ETFA: variants seen among roughly 807,000 people sequenced by gnomAD.
ETFA encodes the protein electron transfer flavoprotein subunit alpha, mitochondrial.
Under a neutral mutation model 46.2 loss-of-function variants are expected in ETFA, and 22 were observed. The observed-to-expected ratio is 0.48, with a 90% CI of 0.34 to 0.68. ETFA has a LOEUF of 0.68. Among genes scored for constraint, ETFA ranks in the 30% least tolerant of loss-of-function variants. The pLI is 0.01. For synonymous variants in ETFA, 131 were observed against 139.9 expected, an observed-to-expected ratio of 0.94 and a Z score of 0.45; for missense variants, 345 against 401.1, an observed-to-expected ratio of 0.86 and a Z score of 1.19.
chr15:76,219,071 A>G (rs1358816904), intron 11 of ETFA, among the ~76,000 whole-genome samples: 1 of 152,208 alleles, frequency 6.6e-6, no homozygotes, highest in Non-Finnish European at 1.5e-5. Context: ...TAAAGAAGAA[A>G]AGGATTCTAG....
chr15:76,295,532 C>G, intron 2 of ETFA, 59 bp downstream of exon 2: 1 of 1,457,136 alleles, frequency 6.9e-7, no homozygotes, highest in South Asian at 1.1e-5. Flanking sequence ...CTGTTGCCAT[C>G]TTTTCCTGTC....
intron 8 of ETFA, among the ~76,000 whole-genome samples, chr15:76,279,393 C>G (rs1292745136): frequency 6.6e-6 from 1 of 152,146 alleles, no homozygotes; most frequent in Non-Finnish European, 1.5e-5. Flanking sequence ...TCTCCTGCCT[C>G]AGCCTCCCAA....
At chr15:76,300,610 C>A (rs935188938) in intron 1 of ETFA, among the ~76,000 whole-genome samples, 1 of 152,194 alleles carries the variant, frequency 6.6e-6, no homozygotes, top group Non-Finnish European at 1.5e-5. Context: ...CAATCTATTT[C>A]TCTCAGTGAT....
chr15:76,217,400 G>A (rs2038907497), intron 11 of ETFA, among the ~76,000 whole-genome samples: 1 of 152,150 alleles, frequency 6.6e-6, no homozygotes, highest in Admixed American at 6.5e-5. Flanking sequence ...TGCTTTTTCA[G>A]CAGCATGCTA....
At chr15:76,218,423 A>T (rs1400491703) in intron 11 of ETFA, among the ~76,000 whole-genome samples, 1 of 152,036 alleles carries the variant, frequency 6.6e-6, no homozygotes, top group African/African-American at 2.4e-5. Context: ...ACTCACCACC[A>T]CACCCGGCTA....
chr15:76,282,205 G>A (rs1317574509), intron 8 of ETFA, among the ~76,000 whole-genome samples: 1 of 152,140 alleles, frequency 6.6e-6, no homozygotes, highest in Non-Finnish European at 1.5e-5. Flanking sequence ...CGCCTGCCAT[G>A]TATCCTTATA....
intron 9 of ETFA, among the ~76,000 whole-genome samples, chr15:76,269,674 C>T (rs960614628): frequency 2.6e-5 from 4 of 152,050 alleles, no homozygotes; most frequent in African/African-American, 9.7e-5. Context: ...GTCTGATCAC[C>T]CCAACAAAAA....
Position 76,216,567 on chromosome 15 carries a change from T to C in ETFA, c.994A>G (p.Lys332Glu), listed in dbSNP as rs759203081. ...TAAGGCATGATCCTGATTCATTTTT[T>C]CTTCAATATCTCAGTCATTTCAGGA... ...VVPEMTEILK[K>E]K Residue 332 changes from lysine to glutamate, a missense_variant, in exon 12 of 12, where the codon AAA (lysine) becomes GAA (glutamate). Transcript: ENST00000557943. The C allele has an allele frequency of 3.2e-6, 5 of 1,583,900 alleles. No homozygotes were observed. The highest frequency in any genetic ancestry group is 4.3e-6 in the Non-Finnish European group (5 of 1,152,568).
rs2456065 is a variant in ETFA at position 76,296,006 on chromosome 15, T to C, written c.40-269A>G. Among the ~76,000 whole-genome samples, 94,328 of 123,690 alleles carry C rather than the reference T, an allele frequency of 0.76. 32,777 individuals are homozygous for C. The highest frequency in any genetic ancestry group is 0.83 in the Middle Eastern group (219 of 264). The allele number at this position is 123,690 out of a possible 152,430, so 81.1% of individuals were successfully genotyped here. A position where few individuals can be genotyped will look rare whatever the true frequency, so the allele number is the denominator to read the frequency against. ...GCCCAGGCTGGAGTGCAGTGGCGCG[T>C]GCGACCATGGCTCACTGCAAGCTCC... On this transcript the variant is annotated intron_variant, in intron 1 of 11. Transcript: ENST00000557943.
chr15:76,217,770 C>T (rs908897748), intron 11 of ETFA: 2 of 337,266 alleles, frequency 5.9e-6, no homozygotes, highest in East Asian at 9.0e-5. Context: ...TTTCGGCTGC[C>T]TTAGCTCACA....
Position 76,261,379 on chromosome 15 carries a change from C to T in ETFA, c.816+13033G>A, listed in dbSNP as rs1275590718. ...GCACCAGTACTGGCCCGTGTCAGAG[C>T]GCTCCACTGACTTCAGGCTGAGGAA... On this transcript the variant is annotated intron_variant, in intron 9 of 11. Transcript: ENST00000557943. The T allele has an allele frequency of 3.1e-5, 41 of 1,311,314 alleles. 1 individual carries two copies. In the South Asian group the frequency reaches 3.5e-4, roughly 11 times the overall value. The allele number at this position is 1,311,314 out of a possible 1,614,324, so 81.2% of individuals were successfully genotyped here.
intron 10 of ETFA, chr15:76,230,311 C>G (rs2039053707): frequency 1.5e-5 from 1 of 65,472 alleles, no homozygotes; most frequent in Non-Finnish European, 3.2e-5. Flanking sequence ...ACTGCAAGCT[C>G]CGCCTCCCGG....
intron 9 of ETFA, among the ~76,000 whole-genome samples, chr15:76,247,538 T>C (rs1221756907): frequency 1.3e-5 from 2 of 152,232 alleles, no homozygotes; most frequent in African/African-American, 4.8e-5. Flanking sequence ...GCAACCATGA[T>C]AACAGCCCCT....
At chr15:76,217,307 T>A (rs1219721106) in intron 11 of ETFA, among the ~76,000 whole-genome samples, 1 of 152,212 alleles carries the variant, frequency 6.6e-6, no homozygotes, top group Admixed American at 6.5e-5. Flanking sequence ...CTTACTGCAA[T>A]TATGACTCCT....
At chr15:76,228,144 T>A (rs1236504070) in intron 10 of ETFA, 1 of 365,542 alleles carries the variant, frequency 2.7e-6, no homozygotes, top group Admixed American at 3.7e-5. Flanking sequence ...ATCTGGGAGT[T>A]TAATCATCCG....
intron 9 of ETFA, among the ~76,000 whole-genome samples, chr15:76,253,949 A>T (rs1042512985): frequency 6.6e-6 from 1 of 152,222 alleles, no homozygotes; most frequent in Non-Finnish European, 1.5e-5. Context: ...TGCTGAGAAC[A>T]ACTACAAAAT....
intron 10 of ETFA, among the ~76,000 whole-genome samples, chr15:76,229,324 A>T (rs1169082972): frequency 2.0e-5 from 3 of 152,204 alleles, no homozygotes; most frequent in Non-Finnish European, 4.4e-5. Flanking sequence ...CTTCTAGTAC[A>T]AGGAATGGTC....
intron 9 of ETFA, among the ~76,000 whole-genome samples, chr15:76,244,359 A>G (rs1396928397): frequency 6.6e-6 from 1 of 152,230 alleles, no homozygotes; most frequent in East Asian, 1.9e-4. Context: ...GATCCTCTAA[A>G]ATAATCTCAC....
rs779655385 is a variant in ETFA, at chr15:76,285,647, C to T, written c.654G>A (p.Val218=). The T allele has an allele frequency of 3.4e-5, 54 of 1,588,742 alleles. No individual in the cohort carries two copies. Among genetic ancestry groups the T allele is most frequent in the Non-Finnish European group, 4.7e-5 (54 of 1,157,272 alleles). The change falls in exon 7 of 12, where the codon GTG becomes GTA. Residue 218 remains valine, a synonymous_variant. Transcript: ENST00000557943. ...DRPELTGAKV[V]VSGGRGLKSG... ...TAATATTTCACTTACCACCAGATACCACCACTTTGGCACCTGTTAGCTCTG... is the reference window on the plus strand; with the variant it reads ...TAATATTTCACTTACCACCAGATACTACCACTTTGGCACCTGTTAGCTCTG...
Sources: allele counts gnomAD v4.1 joint callset (sites outside exome capture counted in the v4.1 genomes callset), GRCh38; gene constraint gnomAD v4.1.1; transcripts MANE v1.5; gene names NCBI Gene and HGNC (gene_info 2026-07-23, HGNC 2026-07-21).